The following TRAF3IP3 variants were observed in gnomAD, a reference collection of about 807,000 sequenced individuals.
The protein encoded by TRAF3IP3 is TRAF3 interacting protein 3, also known as TRAF3-interacting JNK-activating modulator.
TRAF3IP3 carries 64 observed loss-of-function variants against 86.5 expected under a neutral mutation model. That is an observed-to-expected ratio of 0.74 (90% CI 0.60 to 0.91). The LOEUF (loss-of-function observed/expected upper bound fraction) is 0.91, where lower values mean the gene tolerates loss of function less well. Ranked by LOEUF, TRAF3IP3 falls within the 40% of genes least tolerant of loss-of-function variation. TRAF3IP3 has a pLI of 0.00. For synonymous variants in TRAF3IP3, 220 were observed against 243.9 expected, an observed-to-expected ratio of 0.90 and a Z score of 0.91; for missense variants, 579 against 642.9, an observed-to-expected ratio of 0.90 and a Z score of 1.07.
rs551883348 is a variant in TRAF3IP3, at chr1:209,763,940, T to C, written c.702+353T>C. 7.2e-5 allele frequency among the ~76,000 whole-genome samples: 11 copies of C among 152,342 alleles called. 2 individuals are homozygous for C. In the South Asian group the frequency reaches 2.3e-3, roughly 32 times the overall value. On this transcript the variant is annotated intron_variant, in intron 8 of 16. Coordinates refer to ENST00000367025, the MANE Select transcript of TRAF3IP3 (RefSeq NM_025228.4). ...AAATATTTTCATATGGGATTCCCAC[T>C]GATATTTATCGAAACCAGCATGCCA...
Position 209,763,945 on chromosome 1 carries a change from T to C in TRAF3IP3, c.702+358T>C, listed in dbSNP as rs79991015. On this transcript the variant is annotated intron_variant, in intron 8 of 16. Coordinates refer to ENST00000367025, the MANE Select transcript of TRAF3IP3 (RefSeq NM_025228.4). ...TTTTCATATGGGATTCCCACTGATA[T>C]TTATCGAAACCAGCATGCCATGTAC... 6.4e-3 allele frequency among the ~76,000 whole-genome samples: 977 copies of C among 152,332 alleles called. 10 individuals are homozygous for C. Among genetic ancestry groups the C allele is most frequent in the African/African-American group, 0.022 (934 of 41,570 alleles).
intron 8 of TRAF3IP3, among the ~76,000 whole-genome samples, chr1:209,770,252 C>T (rs2077439118): frequency 6.6e-6 from 1 of 152,224 alleles, no homozygotes; most frequent in African/African-American, 2.4e-5. Context: ...CTCTCCGTTT[C>T]TTGCTTTCTT....
At position 209,775,580 on chromosome 1, in the gene TRAF3IP3, C is replaced by A. The variant is rs2077636347; in HGVS notation, c.916-19C>A. On this transcript the variant is annotated intron_variant, in intron 10 of 16. Transcript: ENST00000367025. ...GCTGCACAACTCCCTGGAGCCCTCT[C>A]CTCTCTGATCTCCCTCAGCGATCCC... The A allele has an allele frequency of 6.2e-7, 1 of 1,614,176 alleles. No homozygotes were observed. Among genetic ancestry groups the A allele is most frequent in the Non-Finnish European group, 8.5e-7 (1 of 1,180,004 alleles).
In TRAF3IP3 at chr1:209,782,177, A is replaced by T; in HGVS notation, c.*29A>T. 1 of 1,581,408 alleles carries T rather than the reference A, an allele frequency of 6.3e-7. No individual in the cohort carries two copies. The highest frequency in any genetic ancestry group is 1.1e-5 in the South Asian group (1 of 90,438). On this transcript the variant is annotated 3_prime_UTR_variant, in exon 17 of 17. Coordinates refer to ENST00000367025, the MANE Select transcript of TRAF3IP3 (RefSeq NM_025228.4). The stretch of plus-strand genomic sequence containing the variant: ...ATTTGTGACAACTGCCTTGGGTGAA[A>T]ATCAGAAGCAAGCAACTCAGCGAAA...
At position 209,763,110 on chromosome 1, in the gene TRAF3IP3, T is replaced by C. The variant is rs200157968; in HGVS notation, c.576+18T>C. On this transcript the variant is annotated intron_variant, in intron 6 of 16. Coordinates refer to ENST00000367025, the MANE Select transcript of TRAF3IP3 (RefSeq NM_025228.4). ...TGGATAAGGTAAGCACATATTCACTTTGAAGGGGTCAAATCAGAAAGTATT... is the reference window on the plus strand; with the variant it reads ...TGGATAAGGTAAGCACATATTCACTCTGAAGGGGTCAAATCAGAAAGTATT... The C allele has an allele frequency of 6.2e-7, 1 of 1,611,770 alleles. No homozygotes were observed. Among genetic ancestry groups the C allele is most frequent in the Non-Finnish European group, 8.5e-7 (1 of 1,178,338 alleles).
At chr1:209,773,555 G>C (rs2077590810) in intron 9 of TRAF3IP3, among the ~76,000 whole-genome samples, 1 of 152,184 alleles carries the variant, frequency 6.6e-6, no homozygotes. Flanking sequence ...TGGTTTATAA[G>C]AGATAGAAAG....
intron 12 of TRAF3IP3, 89 bp from the exon 13 acceptor site, chr1:209,778,022 G>A (rs1399034751): frequency 8.7e-7 from 1 of 1,146,890 alleles, no homozygotes; most frequent in Non-Finnish European, 1.3e-6. Context: ...ACCATGACAA[G>A]ACAGCATCTA....
chr1:209,778,183 C>T lies in TRAF3IP3; in HGVS notation c.1252+10C>T. The T allele has an allele frequency of 3.1e-6, 5 of 1,613,536 alleles. No individual in the cohort carries two copies. Among genetic ancestry groups the T allele is most frequent in the Non-Finnish European group, 4.2e-6 (5 of 1,179,534 alleles). On this transcript the variant is annotated intron_variant, in intron 13 of 16. Coordinates refer to ENST00000367025, the MANE Select transcript of TRAF3IP3 (RefSeq NM_025228.4). ...GTACAGCAGTTGCAGGGTAAGTTCG[C>T]TTTCCAGATTCTGAAAGTCCACAGG... is the stretch of plus-strand genomic sequence containing the variant.
Position 209,775,718 on chromosome 1 carries a change from G to C in TRAF3IP3, c.1035G>C (p.Val345=). The C allele has an allele frequency of 6.2e-7, 1 of 1,612,810 alleles. No individual in the cohort carries two copies. Among genetic ancestry groups the C allele is most frequent in the Non-Finnish European group, 8.5e-7 (1 of 1,179,594 alleles). ...GGGAGCTGGAGAGCCAACTCCACGT[G>C]CTTCAGTCCAAACTGCAGGTACCAG... is the stretch of plus-strand genomic sequence containing the variant. ...QHRELESQLH[V]LQSKLQGADS... is the part of the protein sequence containing the mutation. The change falls in exon 11 of 17, where the codon GTG becomes GTC. Residue 345 remains valine, a synonymous_variant. Coordinates refer to ENST00000367025, the MANE Select transcript of TRAF3IP3 (RefSeq NM_025228.4).
chr1:209,759,977 G>A lies in TRAF3IP3; in HGVS notation c.-58-5G>A. 1 of 1,387,802 alleles carries A rather than the reference G, an allele frequency of 7.2e-7. No individual in the cohort carries two copies. The allele number at this position is 1,387,802 out of a possible 1,614,324, so 86.0% of individuals were successfully genotyped here. A position where few individuals can be genotyped will look rare whatever the true frequency, so the allele number is the denominator to read the frequency against. On this transcript the variant is annotated splice_polypyrimidine_tract_variant and splice_region_variant and intron_variant, in intron 2 of 16. Transcript: ENST00000367025. The stretch of plus-strand genomic sequence containing the variant: ...CCCCTTCTCCTCCCTCTTGGCATTT[G>A]GCAGATCCAGGCATCTATTCCAGGA...
At chr1:209,777,903 G>A in intron 12 of TRAF3IP3, 1 of 597,258 alleles carries the variant, frequency 1.7e-6, no homozygotes, top group Admixed American at 3.1e-5. Flanking sequence ...AAGCCTCAAT[G>A]CAACCCAACA....
intron 8 of TRAF3IP3, chr1:209,768,050 A>T: frequency 1.3e-6 from 1 of 794,904 alleles, no homozygotes; most frequent in Non-Finnish European, 1.5e-6. Flanking sequence ...GTTAACAGCT[A>T]TTGTTTCCCC....
At chr1:209,779,699 C>T in intron 14 of TRAF3IP3, 1 of 593,672 alleles carries the variant, frequency 1.7e-6, no homozygotes, top group Non-Finnish European at 3.0e-6. Context: ...CAAATCACAT[C>T]CAACTCCCCA....
chr1:209,757,128 T>C (rs1366331582), intron 1 of TRAF3IP3, among the ~76,000 whole-genome samples: 2 of 152,212 alleles, frequency 1.3e-5, no homozygotes, highest in East Asian at 3.8e-4. Context: ...CACCAAATCC[T>C]AGCAGGTGTG....
intron 13 of TRAF3IP3, 157 bp downstream of exon 13, chr1:209,778,330 A>C: frequency 1.8e-6 from 1 of 570,672 alleles, no homozygotes; most frequent in South Asian, 2.4e-5. Context: ...GGTCATTTAC[A>C]TAGCTCTCCA....
chr1:209,771,149 T>C (rs1303291711), intron 8 of TRAF3IP3, among the ~76,000 whole-genome samples: 1 of 127,234 alleles, frequency 7.9e-6, no homozygotes, highest in Non-Finnish European at 1.6e-5. Context: ...TGTGTGTGCA[T>C]GTGAAGGTTG....
intron 8 of TRAF3IP3, chr1:209,768,031 A>T: frequency 1.5e-6 from 1 of 673,736 alleles, no homozygotes; most frequent in Non-Finnish European, 1.8e-6. Context: ...ACAGTCTCAG[A>T]CTTTTTCAGT....
intron 8 of TRAF3IP3, among the ~76,000 whole-genome samples, chr1:209,766,126 C>T (rs1382015713): frequency 6.6e-6 from 1 of 152,198 alleles, no homozygotes; most frequent in African/African-American, 2.4e-5. Flanking sequence ...TGGAACAAAA[C>T]TGAGAAGTTG....
chr1:209,768,879 A>G (rs2077408589), intron 8 of TRAF3IP3, among the ~76,000 whole-genome samples: 1 of 152,164 alleles, frequency 6.6e-6, no homozygotes, highest in African/African-American at 2.4e-5. Context: ...GACTTTTATG[A>G]CGTTTTGGGG....
Sources: gnomAD v4.1 joint callset for allele counts (sites outside exome capture counted in the v4.1 genomes callset) on GRCh38, gnomAD v4.1.1 for gene constraint, MANE v1.5 for transcripts, NCBI Gene and HGNC (gene_info 2026-07-23, HGNC 2026-07-21) for gene names.